Variants in SLCO5A1 observed in about 807,000 individuals in gnomAD.
The protein encoded by SLCO5A1 is solute carrier organic anion transporter family member 5A1, also known as organic anion transporter polypeptide-related protein 4.
A neutral mutation model predicts 65.1 loss-of-function variants in SLCO5A1; 39 were observed. The ratio of observed to expected loss-of-function variants is 0.60; its 90% CI spans 0.46 to 0.78. The LOEUF (loss-of-function observed/expected upper bound fraction) is 0.78, where lower values mean the gene tolerates loss of function less well. SLCO5A1 is among the 30% of genes least tolerant of loss of function. The pLI is 0.00. For synonymous variants in SLCO5A1, 438 were observed against 415.7 expected, an observed-to-expected ratio of 1.05 and a Z score of -0.65; for missense variants, 1,029 against 1,069.4, an observed-to-expected ratio of 0.96 and a Z score of 0.53.
At chr8:69,794,185 A>G in intron 2 of SLCO5A1, 1 of 359,400 alleles carries the variant, frequency 2.8e-6, no homozygotes, top group Non-Finnish European at 5.4e-6. Context: ...AACTGAAGAC[A>G]GTTGCTGGAA....
At chr8:69,758,542 G>C (rs1227546910) in intron 3 of SLCO5A1, among the ~76,000 whole-genome samples, 1 of 152,012 alleles carries the variant, frequency 6.6e-6, no homozygotes, top group Non-Finnish European at 1.5e-5. Context: ...ATTAACTTAA[G>C]ATTATATGCA....
chr8:69,825,465 A>G (rs994947355), intron 2 of SLCO5A1, among the ~76,000 whole-genome samples: 3 of 152,220 alleles, frequency 2.0e-5, no homozygotes, highest in Non-Finnish European at 2.9e-5. Flanking sequence ...AAAAATCACA[A>G]GCATTCTTAT....
intron 4 of SLCO5A1, among the ~76,000 whole-genome samples, chr8:69,751,403 A>T (rs940449416): frequency 1.3e-5 from 2 of 152,174 alleles, no homozygotes; most frequent in African/African-American, 4.8e-5. Flanking sequence ...TTCCTGCATA[A>T]TTTATAATAA....
chr8:69,803,743 C>A (rs542995378), intron 2 of SLCO5A1, among the ~76,000 whole-genome samples: 1 of 152,150 alleles, frequency 6.6e-6, no homozygotes, highest in Non-Finnish European at 1.5e-5. Flanking sequence ...AATCCCAACA[C>A]TTTGGGAGGC....
rs1476991819 is a variant in SLCO5A1, at chr8:69,782,392, G to A, written c.908-20517C>T. On this transcript the variant is annotated intron_variant, in intron 2 of 9. Coordinates refer to ENST00000260126, the MANE Select transcript of SLCO5A1 (RefSeq NM_030958.3). ...AGACCAGGAGTTCAAGACCAGCCTG[G>A]GCAATATGGCAAGACCCCATCTCTA... Among the ~76,000 whole-genome samples, 3 of 151,858 alleles carry A rather than the reference G, an allele frequency of 2.0e-5. No homozygotes were observed. The East Asian group carries it at 5.8e-4, about 29-fold the overall frequency.
At chr8:69,676,385 A>G (rs1813550249) in intron 9 of SLCO5A1, among the ~76,000 whole-genome samples, 2 of 152,206 alleles carry the variant, frequency 1.3e-5, no homozygotes, top group African/African-American at 4.8e-5. Context: ...GTTCATAATG[A>G]AAAAGAAACT....
At chr8:69,827,545 A>T (rs1272407702) in intron 2 of SLCO5A1, among the ~76,000 whole-genome samples, 1 of 152,146 alleles carries the variant, frequency 6.6e-6, no homozygotes, top group Admixed American at 6.6e-5. Flanking sequence ...TTCCATTTCA[A>T]TGGTTTTTAC....
chr8:69,759,795 G>A (rs1476567166), intron 3 of SLCO5A1, among the ~76,000 whole-genome samples: 3 of 152,088 alleles, frequency 2.0e-5, no homozygotes, highest in African/African-American at 4.8e-5. Flanking sequence ...ACAGGCATGC[G>A]CCACCACACT....
At position 69,673,301 on chromosome 8, in the gene SLCO5A1, A is replaced by G; in HGVS notation, c.2115T>C (p.Phe705=). 1.2e-6 allele frequency: 2 copies of G among 1,614,060 alleles called. No homozygotes were observed. The highest frequency in any genetic ancestry group is 1.1e-5 in the South Asian group (1 of 91,088). The change falls in exon 10 of 10, where the codon TTT becomes TTC. Residue 705 remains phenylalanine, a synonymous_variant. Coordinates refer to ENST00000260126, the MANE Select transcript of SLCO5A1 (RefSeq NM_030958.3). ...TLAYIPTPIY[F]GAVIDTTCML... is the part of the protein sequence containing the mutation. Reference sequence around the variant, plus strand: ...TGCAGGTGGTGTCAATGACTGCTCCAAAGTAGATTGGAGTAGGAATGTATG... The same window carrying G: ...TGCAGGTGGTGTCAATGACTGCTCCGAAGTAGATTGGAGTAGGAATGTATG...
intron 2 of SLCO5A1, among the ~76,000 whole-genome samples, chr8:69,793,815 A>G (rs1235263409): frequency 1.4e-5 from 2 of 145,904 alleles, no homozygotes; most frequent in Non-Finnish European, 3.0e-5. Context: ...ATAAATAAAT[A>G]AAATAAAATT....
At chr8:69,692,545 CTT>C (rs1405954198) in intron 6 of SLCO5A1, among the ~76,000 whole-genome samples, 1 of 152,202 alleles carries the variant, frequency 6.6e-6, no homozygotes, top group Non-Finnish European at 1.5e-5. Flanking sequence ...CTTTTTGACT[CTT>C]TTGTAATAGC....
intron 2 of SLCO5A1, among the ~76,000 whole-genome samples, chr8:69,772,519 G>A (rs1353066422): frequency 1.4e-5 from 2 of 144,214 alleles, no homozygotes; most frequent in African/African-American, 5.2e-5. Context: ...GTGACAGAGC[G>A]AGAAAAAAGA....
At chr8:69,702,489 C>G (rs1814786755) in intron 6 of SLCO5A1, among the ~76,000 whole-genome samples, 1 of 147,524 alleles carries the variant, frequency 6.8e-6, no homozygotes, top group Non-Finnish European at 1.5e-5. Flanking sequence ...AGCCACATAC[C>G]CGGTACACAC....
chr8:69,682,298 G>A lies in SLCO5A1; in HGVS notation c.1668C>T (p.Asn556=), dbSNP rs772682604. 5.6e-6 allele frequency: 9 copies of A among 1,610,828 alleles called. No individual in the cohort carries two copies. Among genetic ancestry groups the A allele is most frequent in the South Asian group, 2.2e-5 (2 of 90,452 alleles). ...CGTGTATTTTACAACCACAATTAAC[G>A]TTGCAGCTTCCTGTCAGATTCCTAT... is the stretch of plus-strand genomic sequence containing the variant. ...MPHRNLTGSC[N]VNCGCKIHEY... The change falls in exon 7 of 10, where the codon AAC becomes AAT. Residue 556 remains asparagine, a synonymous_variant. Transcript: ENST00000260126.
chr8:69,789,871 C>A (rs1478078165), intron 2 of SLCO5A1, among the ~76,000 whole-genome samples: 1 of 151,846 alleles, frequency 6.6e-6, no homozygotes, highest in Non-Finnish European at 1.5e-5. Context: ...TCAATAATAA[C>A]TTAACTGTAC....
chr8:69,785,106 G>T (rs1331408675), intron 2 of SLCO5A1, among the ~76,000 whole-genome samples: 1 of 151,854 alleles, frequency 6.6e-6, no homozygotes, highest in Non-Finnish European at 1.5e-5. Context: ...CGGAGAGAGA[G>T]AGAGAGAAAG....
intron 2 of SLCO5A1, among the ~76,000 whole-genome samples, chr8:69,768,806 G>A (rs1463539917): frequency 6.6e-6 from 1 of 152,090 alleles, no homozygotes; most frequent in Non-Finnish European, 1.5e-5. Flanking sequence ...ATGAATCCTT[G>A]GGGGACACAA....
chr8:69,771,066 C>A lies in SLCO5A1; in HGVS notation c.908-9191G>T, dbSNP rs954865130. Among the ~76,000 whole-genome samples the A allele has an allele frequency of 1.1e-4, 16 of 152,262 alleles. No individual in the cohort carries two copies. The East Asian group carries it at 3.1e-3, about 29-fold the overall frequency. On this transcript the variant is annotated intron_variant, in intron 2 of 9. Transcript: ENST00000260126. ...GTGGTGCTACCTTGGCTCACTGCAA[C>A]CTCCGCCTCCCGGGTTCAAGCGATT...
chr8:69,695,958 C>T (rs1814479848), intron 6 of SLCO5A1, among the ~76,000 whole-genome samples: 1 of 152,168 alleles, frequency 6.6e-6, no homozygotes, highest in Non-Finnish European at 1.5e-5. Context: ...ACAGAGCCAC[C>T]ATCATGGGCA....
Sources: gnomAD v4.1 joint callset for allele counts (sites outside exome capture counted in the v4.1 genomes callset) on GRCh38, gnomAD v4.1.1 for gene constraint, MANE v1.5 for transcripts, NCBI Gene and HGNC (gene_info 2026-07-23, HGNC 2026-07-21) for gene names.